The following MYO16 variants were observed in gnomAD, a reference collection of about 807,000 sequenced individuals.
The protein encoded by MYO16 is myosin XVI.
Under a neutral mutation model 205.3 loss-of-function variants are expected in MYO16, and 94 were observed. That is an observed-to-expected ratio of 0.46 (90% CI 0.39 to 0.54). The LOEUF is 0.54. Ranked by LOEUF, MYO16 falls within the 20% of genes least tolerant of loss-of-function variation. The pLI is 0.00. For missense variants in MYO16, 2,315 were observed against 2,387.5 expected, an observed-to-expected ratio of 0.97 and a Z score of 0.63; for synonymous variants, 988 against 954.0, an observed-to-expected ratio of 1.04 and a Z score of -0.66.
chr13:109,122,736 A>G (rs1876052461), intron 29 of MYO16, among the ~76,000 whole-genome samples: 1 of 152,064 alleles, frequency 6.6e-6, no homozygotes, highest in African/African-American at 2.4e-5. Context: ...GATAGAAACC[A>G]TAATCTCATA....
chr13:108,729,153 T>C (rs1884438974), intron 4 of MYO16, among the ~76,000 whole-genome samples: 1 of 152,158 alleles, frequency 6.6e-6, no homozygotes, highest in Non-Finnish European at 1.5e-5. Context: ...AAAATCTACC[T>C]GACTCATTTA....
At chr13:108,612,518 T>C (rs1028741703) in intron 1 of MYO16, among the ~76,000 whole-genome samples, 5 of 144,992 alleles carry the variant, frequency 3.4e-5, no homozygotes, top group African/African-American at 1.2e-4. Context: ...TGATTTAACA[T>C]TTAACATGTG....
intron 23 of MYO16, among the ~76,000 whole-genome samples, chr13:109,024,880 C>T (rs774783756): frequency 6.6e-6 from 1 of 152,122 alleles, no homozygotes; most frequent in African/African-American, 2.4e-5. Context: ...TAGACACATA[C>T]ACTTAAATTT....
chr13:109,143,006 A>G (rs1877173631), intron 32 of MYO16, among the ~76,000 whole-genome samples: 1 of 152,060 alleles, frequency 6.6e-6, no homozygotes, highest in South Asian at 2.1e-4. Flanking sequence ...TCTACTGGTA[A>G]CACAGGGTAG....
At chr13:108,918,671 G>T (rs1184934080) in intron 16 of MYO16, among the ~76,000 whole-genome samples, 1 of 152,210 alleles carries the variant, frequency 6.6e-6, no homozygotes, top group East Asian at 1.9e-4. Flanking sequence ...TGATGCTATG[G>T]CTCACGCCTG....
chr13:109,036,745 G>T (rs1226300193), intron 23 of MYO16, among the ~76,000 whole-genome samples: 1 of 152,168 alleles, frequency 6.6e-6, no homozygotes, highest in Admixed American at 6.5e-5. Context: ...GAGAGACGCT[G>T]CCATGTACTG....
At chr13:108,750,394 G>A (rs1415230919) in intron 4 of MYO16, among the ~76,000 whole-genome samples, 1 of 152,136 alleles carries the variant, frequency 6.6e-6, no homozygotes, top group African/African-American at 2.4e-5. Context: ...GATAATGAGA[G>A]GGCTCTGTAA....
At chr13:108,569,630 C>A in the MYO16 span, among the ~76,000 whole-genome samples, 1 of 152,142 alleles carries the variant, frequency 6.6e-6, no homozygotes, top group South Asian at 2.1e-4. Context: ...CTCCAGATAC[C>A]CTTTATTCTT....
intron 15 of MYO16, among the ~76,000 whole-genome samples, chr13:108,909,758 A>G (rs1434082101): frequency 6.6e-6 from 1 of 152,092 alleles, no homozygotes. Context: ...GTTTCAAATT[A>G]CATTTGTGCA....
intron 16 of MYO16, among the ~76,000 whole-genome samples, chr13:108,929,796 T>TAA (rs573718136): frequency 6.7e-6 from 1 of 150,354 alleles, no homozygotes. Context: ...ACACATGCAT[T>TAA]AAAAAAAAAT....
At chr13:109,163,540 T>TCCCACC (rs1878496323) in intron 32 of MYO16, among the ~76,000 whole-genome samples, 1 of 105,970 alleles carries the variant, frequency 9.4e-6, no homozygotes, top group African/African-American at 3.6e-5. Flanking sequence ...CCTCCCTCCC[T>TCCCACC]TTCTTTCCTT....
chr13:108,826,759 C>A (rs1412841001), intron 9 of MYO16, among the ~76,000 whole-genome samples: 1 of 151,982 alleles, frequency 6.6e-6, no homozygotes, highest in African/African-American at 2.4e-5. Flanking sequence ...ACAATCATAG[C>A]CCACAAGCAC....
rs573424330 is a variant in MYO16, at chr13:108,943,527, G to A, written c.1926-14161G>A. Among the ~76,000 whole-genome samples the A allele has an allele frequency of 4.6e-5, 7 of 151,784 alleles. No homozygotes were observed. The South Asian group carries it at 6.3e-4, about 14-fold the overall frequency. On this transcript the variant is annotated intron_variant, in intron 16 of 34. Coordinates refer to ENST00000457511, the MANE Select transcript of MYO16 (RefSeq NM_001198950.3). ...GGCTGGAGTGCAGTGACACGATCTCGGCTCACTGCAACCTCTGCCTCCTGG... is the reference window on the plus strand; with the variant it reads ...GGCTGGAGTGCAGTGACACGATCTCAGCTCACTGCAACCTCTGCCTCCTGG...
At chr13:108,589,486 A>G in the MYO16 span, among the ~76,000 whole-genome samples, 1 of 152,162 alleles carries the variant, frequency 6.6e-6, no homozygotes, top group South Asian at 2.1e-4. Context: ...AGTGAAATTT[A>G]TTGTTTCATG....
the MYO16 span, among the ~76,000 whole-genome samples, chr13:108,499,253 A>T: frequency 6.6e-6 from 1 of 152,266 alleles, no homozygotes; most frequent in African/African-American, 2.4e-5. Context: ...ACATTTCCTG[A>T]AAATGAGTAG....
intron 27 of MYO16, among the ~76,000 whole-genome samples, chr13:109,079,659 C>G (rs1021540130): frequency 6.6e-6 from 1 of 152,082 alleles, no homozygotes; most frequent in Non-Finnish European, 1.5e-5. Flanking sequence ...AGTATGCTCA[C>G]TATCTGAGGG....
intron 9 of MYO16, among the ~76,000 whole-genome samples, chr13:108,828,226 G>A (rs115928646): frequency 0.023 from 3,497 of 152,206 alleles, 109 homozygotes; most frequent in African/African-American, 0.075. Flanking sequence ...TTGTTTCAGC[G>A]AGGAGGTCAT....
the MYO16 span, among the ~76,000 whole-genome samples, chr13:108,588,615 C>G: frequency 1.1e-3 from 163 of 151,932 alleles, no homozygotes; most frequent in Admixed American, 2.0e-3. Flanking sequence ...TTCCACTTAC[C>G]CCTTTCAGAA....
At chr13:108,955,679 C>G (rs370507398) in intron 16 of MYO16, among the ~76,000 whole-genome samples, 1 of 152,102 alleles carries the variant, frequency 6.6e-6, no homozygotes, top group Non-Finnish European at 1.5e-5. Flanking sequence ...GGTGAAAACT[C>G]GTCTCTACTA....
Sources: gnomAD v4.1 joint callset for allele counts (sites outside exome capture counted in the v4.1 genomes callset) on GRCh38, gnomAD v4.1.1 for gene constraint, MANE v1.5 for transcripts, NCBI Gene and HGNC (gene_info 2026-07-23, HGNC 2026-07-21) for gene names.